ABCC6: variants seen among roughly 807,000 people sequenced by gnomAD.
The protein encoded by ABCC6 is ATP-binding cassette sub-family C member 6.
In ABCC6, 126 loss-of-function variants were observed where a neutral mutation model predicts 169.5. The ratio of observed to expected loss-of-function variants is 0.74; its 90% CI spans 0.64 to 0.86. The LOEUF is 0.86. ABCC6 is among the 40% of genes least tolerant of loss of function. The pLI is 0.00. For synonymous variants in ABCC6, 752 were observed against 814.7 expected, an observed-to-expected ratio of 0.92 and a Z score of 1.31; for missense variants, 1,733 against 1,927.2, an observed-to-expected ratio of 0.90 and a Z score of 1.89.
In ABCC6 at chr16:16,150,632, T is replaced by C; in HGVS notation, c.4349A>G (p.Gln1450Arg). The change falls in exon 30 of 31, where the codon CAG becomes CGG. Residue 1450 changes from glutamine (Q) to arginine (R), a missense_variant. Physicochemically the swap from Gln to Arg is conservative, Grantham distance 43. This residue lies in a region of ABCC6 where 1,601 missense variants were observed against 1,635.5 expected (regional missense o/e 0.98). Transcript: ENST00000205557. ...MQAMLGSWFA[Q>R]CTVLLIAHRL... Reference sequence around the variant, plus strand: ...GTGGGCAATGAGCAGCACAGTGCACTGTGCAAACCAGCTCCCGAGCATGGC... The same window carrying C: ...GTGGGCAATGAGCAGCACAGTGCACCGTGCAAACCAGCTCCCGAGCATGGC... 3 of 1,613,554 alleles carry C rather than the reference T, an allele frequency of 1.9e-6. No homozygotes were observed. Among genetic ancestry groups the C allele is most frequent in the Non-Finnish European group, 2.5e-6 (3 of 1,179,922 alleles).
intron 18 of ABCC6, among the ~76,000 whole-genome samples, chr16:16,178,022 A>G (rs1339312533): frequency 6.8e-6 from 1 of 147,158 alleles, no homozygotes; most frequent in Non-Finnish European, 1.5e-5. Flanking sequence ...GAGAGAGAGA[A>G]AGAAAGAAAA....
intron 23 of ABCC6, among the ~76,000 whole-genome samples, chr16:16,164,400 G>T (rs1020423814): frequency 6.6e-6 from 1 of 152,024 alleles, no homozygotes; most frequent in Non-Finnish European, 1.5e-5. Flanking sequence ...GGCTGGGTTG[G>T]GGTGCTGTCA....
chr16:16,156,220 A>G (rs888666414), intron 27 of ABCC6, among the ~76,000 whole-genome samples: 6 of 152,154 alleles, frequency 3.9e-5, no homozygotes, highest in Non-Finnish European at 5.9e-5. Flanking sequence ...CCAGCCAACA[A>G]TGCTGTTTAT....
intron 22 of ABCC6, among the ~76,000 whole-genome samples, chr16:16,166,284 A>G (rs1477426027): frequency 6.6e-6 from 1 of 152,016 alleles, no homozygotes; most frequent in African/African-American, 2.4e-5. Flanking sequence ...CCTGGGATCA[A>G]GTGATCTGCC....
intron 4 of ABCC6, among the ~76,000 whole-genome samples, 155 bp downstream of exon 4, chr16:16,219,399 G>A (rs1210074869): frequency 6.6e-6 from 1 of 151,972 alleles, no homozygotes; most frequent in Non-Finnish European, 1.5e-5. Flanking sequence ...TGACAGGTGC[G>A]GGAGTGGATT....
rs1440735646 is a variant in ABCC6 at position 16,161,505 on chromosome 16, C to T, written c.3566G>A (p.Cys1189Tyr). Reference sequence around the variant, plus strand: ...GAGGTGGGCTTTGCTCAGCACAGCACACGTGGCAGCTGCAAACACCAGGCC... The same window carrying T: ...GAGGTGGGCTTTGCTCAGCACAGCATACGTGGCAGCTGCAAACACCAGGCC... Reference protein sequence around the residue: ...GNGLVFAAATCAVLSKAHLSA... With the variant: ...GNGLVFAAATYAVLSKAHLSA... The change falls in exon 25 of 31, where the codon TGT becomes TAT. Residue 1189 changes from cysteine to tyrosine, a missense_variant. Cys to Tyr is a radical substitution (Grantham distance 194). Coordinates refer to ENST00000205557, the MANE Select transcript of ABCC6 (RefSeq NM_001171.6). The T allele has an allele frequency of 2.5e-6, 4 of 1,613,996 alleles. No individual in the cohort carries two copies. The highest frequency in any genetic ancestry group is 1.1e-5 in the South Asian group (1 of 91,086).
chr16:16,167,171 G>A (rs1035878892), intron 22 of ABCC6, among the ~76,000 whole-genome samples: 16 of 152,218 alleles, frequency 1.1e-4, no homozygotes, highest in Non-Finnish European at 2.2e-4. Context: ...AACCACTGCA[G>A]TTGGTTCAGG....
At chr16:16,189,700 G>A (rs1222424863) in intron 12 of ABCC6, among the ~76,000 whole-genome samples, 1 of 152,182 alleles carries the variant, frequency 6.6e-6, no homozygotes, top group Non-Finnish European at 1.5e-5. Flanking sequence ...CGACAGGCAT[G>A]AGCCACCACA....
At chr16:16,183,542 C>T (rs561957451) in intron 15 of ABCC6, among the ~76,000 whole-genome samples, 2 of 152,324 alleles carry the variant, frequency 1.3e-5, no homozygotes, top group South Asian at 4.1e-4. Context: ...AAAGTCCTGA[C>T]GATCAGGAAT....
At chr16:16,195,505 G>A (rs1417165395) in intron 10 of ABCC6, among the ~76,000 whole-genome samples, 2 of 151,866 alleles carry the variant, frequency 1.3e-5, no homozygotes, top group African/African-American at 2.4e-5. Context: ...TAGAGACAGG[G>A]TTTTGCCATG....
chr16:16,155,561 T>C, intron 27 of ABCC6: 1 of 163,506 alleles, frequency 6.1e-6, no homozygotes, highest in Non-Finnish European at 1.4e-5. Flanking sequence ...ATTCATTTAT[T>C]TTCTCCCATC....
chr16:16,204,303 G>T (rs2048328914), intron 7 of ABCC6, among the ~76,000 whole-genome samples: 1 of 152,272 alleles, frequency 6.6e-6, no homozygotes, highest in South Asian at 2.1e-4. Flanking sequence ...TGATCTGCTC[G>T]CCTTGGCCTC....
chr16:16,173,267 G>GC lies in ABCC6; in HGVS notation c.2787+16_2787+17insG. ...GGCAGCAGTGGGTGGGGAGGGGTGG[G>GC]TGAAGCTGGTGGTTACCCTGCCGTA... is the stretch of plus-strand genomic sequence containing the variant. On this transcript the variant is annotated intron_variant, in intron 21 of 30. Coordinates refer to ENST00000205557, the MANE Select transcript of ABCC6 (RefSeq NM_001171.6). The GC allele has an allele frequency of 6.3e-7, 1 of 1,592,448 alleles. No homozygotes were observed. Among genetic ancestry groups the GC allele is most frequent in the Non-Finnish European group, 8.6e-7 (1 of 1,163,570 alleles).
intron 26 of ABCC6, among the ~76,000 whole-genome samples, chr16:16,158,221 C>T (rs1414825613): frequency 6.6e-6 from 1 of 152,138 alleles, no homozygotes; most frequent in Non-Finnish European, 1.5e-5. Flanking sequence ...ATAAGAGCAG[C>T]AGACATGTAT....
At chr16:16,198,476 T>G (rs536949658) in intron 9 of ABCC6, among the ~76,000 whole-genome samples, 1 of 152,242 alleles carries the variant, frequency 6.6e-6, no homozygotes, top group East Asian at 1.9e-4. Context: ...GCAGGCACTG[T>G]GCTAAATGAA....
At chr16:16,180,101 C>T (rs574241642) in intron 17 of ABCC6, among the ~76,000 whole-genome samples, 6 of 152,294 alleles carry the variant, frequency 3.9e-5, no homozygotes, top group Non-Finnish European at 7.3e-5. Context: ...AATGCTGCCA[C>T]TGATCTGACA....
intron 17 of ABCC6, among the ~76,000 whole-genome samples, chr16:16,180,422 G>C (rs898994627): frequency 5.3e-5 from 8 of 152,082 alleles, no homozygotes; most frequent in African/African-American, 1.7e-4. Flanking sequence ...AATTTCCCTT[G>C]TGCACTATTG....
intron 10 of ABCC6, among the ~76,000 whole-genome samples, chr16:16,197,806 A>T (rs996745360): frequency 2.0e-5 from 3 of 151,690 alleles, no homozygotes; most frequent in African/African-American, 7.3e-5. Flanking sequence ...AGGGTGATGA[A>T]GGCAGAACAA....
intron 22 of ABCC6, among the ~76,000 whole-genome samples, 162 bp downstream of exon 22, chr16:16,169,481 CCCT>C (rs2046987224): frequency 6.6e-6 from 1 of 152,174 alleles, no homozygotes; most frequent in African/African-American, 2.4e-5. Flanking sequence ...CCTTCCCGTT[CCCT>C]CCAGCCTCAT....
Sources: allele counts gnomAD v4.1 joint callset (sites outside exome capture counted in the v4.1 genomes callset), GRCh38; gene constraint gnomAD v4.1.1; regional missense constraint gnomAD v4.1.1; transcripts MANE v1.5; gene names NCBI Gene and HGNC (gene_info 2026-07-23, HGNC 2026-07-21).